Variants in VPS13A observed in about 807,000 individuals in gnomAD.
VPS13A encodes the protein vacuolar protein sorting 13 homolog A.
In VPS13A, 264 loss-of-function variants were observed where a neutral mutation model predicts 390.9. The observed-to-expected ratio is 0.68, with a 90% CI of 0.61 to 0.75. VPS13A has a LOEUF of 0.75. Ranked by LOEUF, VPS13A falls within the 30% of genes least tolerant of loss-of-function variation. The pLI is 0.00. For missense variants in VPS13A, 3,409 were observed against 3,733.9 expected, an observed-to-expected ratio of 0.91 and a Z score of 2.27; for synonymous variants, 1,231 against 1,227.1, an observed-to-expected ratio of 1.00 and a Z score of -0.07.
At chr9:77,272,316 T>C (rs986472608) in intron 23 of VPS13A, among the ~76,000 whole-genome samples, 5 of 152,190 alleles carry the variant, frequency 3.3e-5, no homozygotes, top group African/African-American at 1.2e-4. Flanking sequence ...AATGGTTTGA[T>C]AGTGCTCAAT....
chr9:77,283,391 T>C lies in VPS13A; in HGVS notation c.3155T>C (p.Leu1052Ser). 6.2e-7 allele frequency: 1 copy of C among 1,607,134 alleles called. No homozygotes were observed. The highest frequency in any genetic ancestry group is 8.5e-7 in the Non-Finnish European group (1 of 1,174,462). ...TCCACAAATGAAGATATCATTACTT[T>C]GCAGATTTTAGCAGAATTATCGTGT... is the stretch of plus-strand genomic sequence containing the variant. ...KLSTNEDIITLQILAELSCLQ... is the reference protein window; with the variant it reads ...KLSTNEDIITSQILAELSCLQ... Residue 1052 changes from leucine to serine, a missense_variant, in exon 30 of 72, where the codon TTG becomes TCG. This residue lies in a region of VPS13A where 2,717 missense variants were observed against 2,917.4 expected (regional missense o/e 0.93). Coordinates refer to ENST00000360280, the MANE Select transcript of VPS13A (RefSeq NM_033305.3).
chr9:77,323,365 A>G, intron 45 of VPS13A, 138 bp downstream of exon 45: 1 of 1,037,150 alleles, frequency 9.6e-7, no homozygotes, highest in Non-Finnish European at 1.5e-6. Flanking sequence ...AAGAAGACTC[A>G]CTACCACCAG....
intron 31 of VPS13A, among the ~76,000 whole-genome samples, chr9:77,293,016 A>C (rs985160489): frequency 1.3e-5 from 2 of 152,116 alleles, no homozygotes; most frequent in Non-Finnish European, 2.9e-5. Context: ...GGTTACTCTC[A>C]TTACGAAAGT....
At chr9:77,190,950 G>A (rs573727093) in intron 1 of VPS13A, among the ~76,000 whole-genome samples, 1 of 151,846 alleles carries the variant, frequency 6.6e-6, no homozygotes, top group South Asian at 2.1e-4. Flanking sequence ...TGTTTATTTG[G>A]ATCTCCTCTC....
intron 10 of VPS13A, among the ~76,000 whole-genome samples, chr9:77,216,732 C>T (rs367651495): frequency 1.7e-4 from 26 of 152,276 alleles, no homozygotes; most frequent in East Asian, 9.6e-4. Context: ...TATTGACTCA[C>T]ATGATCACAA....
rs756536076 is a variant in VPS13A at position 77,228,218 on chromosome 9, G to T, written c.1549G>T (p.Glu517Ter). The change falls in exon 17 of 72, where the codon GAA becomes TAA. Residue 517 changes from glutamate (E) to a stop codon, truncating the protein, a stop_gained. Coordinates refer to ENST00000360280, the MANE Select transcript of VPS13A (RefSeq NM_033305.3). LOFTEE classifies it high-confidence loss of function. ...TGAGCTGGTAGATATTGTAATAGAAGAATTTAGCACCTTAATTGTGCAAAG... is the reference window on the plus strand; with the variant it reads ...TGAGCTGGTAGATATTGTAATAGAATAATTTAGCACCTTAATTGTGCAAAG... ...KPELVDIVIE[E>*]FSTLIVQRPG... 1 of 1,603,662 alleles carries T rather than the reference G, an allele frequency of 6.2e-7. No individual in the cohort carries two copies. The highest frequency in any genetic ancestry group is 8.5e-7 in the Non-Finnish European group (1 of 1,174,726).
intron 68 of VPS13A, among the ~76,000 whole-genome samples, chr9:77,396,368 G>A (rs1834120286): frequency 1.3e-5 from 2 of 152,166 alleles, no homozygotes; most frequent in Non-Finnish European, 2.9e-5. Flanking sequence ...AGTCAAGATA[G>A]CATATTAGCA....
chr9:77,407,708 G>GTTTGT, intron 71 of VPS13A, 101 bp downstream of exon 71: 1 of 942,496 alleles, frequency 1.1e-6, no homozygotes, highest in South Asian at 1.5e-5. Flanking sequence ...GGGGGTTTTT[G>GTTTGT]TTTGTTTGTT....
At chr9:77,302,619 C>A (rs1021958828) in intron 33 of VPS13A, among the ~76,000 whole-genome samples, 1 of 151,900 alleles carries the variant, frequency 6.6e-6, no homozygotes, top group Non-Finnish European at 1.5e-5. Context: ...GTGATCTGCC[C>A]GCCTCAGCCT....
In VPS13A at chr9:77,314,473, G is replaced by A. The variant is rs1829271234; in HGVS notation, c.4243-22G>A. The A allele has an allele frequency of 1.9e-6, 3 of 1,606,636 alleles. 1 individual carries two copies. Among genetic ancestry groups the A allele is most frequent in the South Asian group, 2.2e-5 (2 of 90,846 alleles). On this transcript the variant is annotated intron_variant, in intron 36 of 71. Coordinates refer to ENST00000360280, the MANE Select transcript of VPS13A (RefSeq NM_033305.3). ...TAGACTTGTGTTTCTTTGTAATTTT[G>A]TGTTGGTTTCTCCTTTCATAGGCTT...
At chr9:77,271,760 G>T (rs1254532525) in intron 23 of VPS13A, among the ~76,000 whole-genome samples, 2 of 151,982 alleles carry the variant, frequency 1.3e-5, no homozygotes, top group African/African-American at 4.8e-5. Context: ...AACAAAACTT[G>T]TATTCTAAAA....
At chr9:77,201,256 G>A in intron 2 of VPS13A, 109 bp from the exon 3 acceptor site, 1 of 742,752 alleles carries the variant, frequency 1.3e-6, no homozygotes, top group Non-Finnish European at 2.3e-6. Context: ...AAATGTGTAA[G>A]TTTATTAAAA....
intron 35 of VPS13A, among the ~76,000 whole-genome samples, chr9:77,310,611 C>CTCA (rs142072016): frequency 0.099 from 14,783 of 149,306 alleles, 786 homozygotes; most frequent in South Asian, 0.14. Flanking sequence ...TACTGTAAAT[C>CTCA]TCATTGAAAA....
chr9:77,287,682 A>G (rs918544578), intron 31 of VPS13A, among the ~76,000 whole-genome samples: 5 of 152,202 alleles, frequency 3.3e-5, no homozygotes, highest in African/African-American at 1.2e-4. Flanking sequence ...GCTTTTTTAC[A>G]GTAGAAACAT....
At chr9:77,212,140 A>G (rs1216230769) in intron 7 of VPS13A, among the ~76,000 whole-genome samples, 3 of 152,184 alleles carry the variant, frequency 2.0e-5, no homozygotes, top group Non-Finnish European at 4.4e-5. Flanking sequence ...AACGAAAACC[A>G]TCTTTCTGAA....
At chr9:77,195,801 A>G (rs1824965985) in intron 1 of VPS13A, among the ~76,000 whole-genome samples, 1 of 150,826 alleles carries the variant, frequency 6.6e-6, no homozygotes, top group Non-Finnish European at 1.5e-5. Flanking sequence ...ATTCTCTTTC[A>G]CTTATCTTTG....
At chr9:77,318,115 T>C in intron 40 of VPS13A, 120 bp from the exon 41 acceptor site, 1 of 563,482 alleles carries the variant, frequency 1.8e-6, no homozygotes, top group East Asian at 3.1e-5. Context: ...AATTGTATCT[T>C]CTATTTTGTG....
At chr9:77,409,954 G>C (rs1019411822) in intron 71 of VPS13A, among the ~76,000 whole-genome samples, 4 of 151,474 alleles carry the variant, frequency 2.6e-5, no homozygotes, top group Non-Finnish European at 4.4e-5. Flanking sequence ...ATGCCACAAA[G>C]ATACTCCTCA....
intron 26 of VPS13A, among the ~76,000 whole-genome samples, chr9:77,278,207 A>T (rs1305388365): frequency 9.4e-5 from 14 of 149,602 alleles, no homozygotes. Context: ...AGTAGCTGGG[A>T]CTACAGGCGC....
Sources: allele counts gnomAD v4.1 joint callset (sites outside exome capture counted in the v4.1 genomes callset), GRCh38; gene constraint gnomAD v4.1.1; regional missense constraint gnomAD v4.1.1; transcripts MANE v1.5; gene names NCBI Gene and HGNC (gene_info 2026-07-23, HGNC 2026-07-21).